Variants in MYO1B observed in about 807,000 individuals in gnomAD.
MYO1B encodes myosin IB, also known as unconventional myosin-Ib.
A neutral mutation model predicts 159.7 loss-of-function variants in MYO1B; 72 were observed. The ratio of observed to expected loss-of-function variants is 0.45; its 90% CI spans 0.37 to 0.55. MYO1B has a LOEUF of 0.55. MYO1B is among the 20% of genes least tolerant of loss of function. MYO1B has a pLI of 0.00. For synonymous variants in MYO1B, 468 were observed against 473.8 expected (o/e 0.99, Z 0.16); for missense variants, 1,062 against 1,364.8 (o/e 0.78, Z 3.50).
At chr2:191,346,992 A>T (rs6706578) in intron 6 of MYO1B, among the ~76,000 whole-genome samples, 1 of 151,954 alleles carries the variant, frequency 6.6e-6, no homozygotes, top group African/African-American at 2.4e-5. Context: ...TGCAGGAAAT[A>T]TTGAGTCTGA....
chr2:191,415,291 A>T (rs1299483647), intron 29 of MYO1B, among the ~76,000 whole-genome samples: 3 of 152,248 alleles, frequency 2.0e-5, no homozygotes, highest in African/African-American at 7.2e-5. Context: ...CATAACACAT[A>T]GTCACTGAAT....
chr2:191,332,499 G>C (rs1691554963), intron 4 of MYO1B, among the ~76,000 whole-genome samples: 1 of 152,022 alleles, frequency 6.6e-6, no homozygotes, highest in African/African-American at 2.4e-5. Context: ...TTGAGAAGCT[G>C]ACAAATCCTG....
At chr2:191,393,625 A>G (rs116219967) in intron 20 of MYO1B, among the ~76,000 whole-genome samples, 8,294 of 152,268 alleles carry the variant, frequency 0.054, 389 homozygotes, top group African/African-American at 0.12. Flanking sequence ...TTCTTTGGCT[A>G]TTCTTTATTG....
chr2:191,328,227 G>A (rs1229211744), intron 3 of MYO1B, among the ~76,000 whole-genome samples: 1 of 152,206 alleles, frequency 6.6e-6, no homozygotes, highest in South Asian at 2.1e-4. Flanking sequence ...CATCAAAGGT[G>A]TTCAGTAAAT....
At position 191,283,162 on chromosome 2, in the gene MYO1B, T is replaced by C. The variant is rs762718665; in HGVS notation, c.135+6132T>C. On this transcript the variant is annotated intron_variant, in intron 2 of 30. Coordinates refer to ENST00000392318, the MANE Select transcript of MYO1B (RefSeq NM_001130158.3). ...CAAACTTTCCTACAGCCTTTGGTGA[T>C]TGGAAAATTTCTTCCTCTTAGAATT... 5.3e-5 allele frequency among the ~76,000 whole-genome samples: 8 copies of C among 152,236 alleles called. No individual in the cohort carries two copies. The South Asian group carries it at 6.2e-4, about 12-fold the overall frequency.
rs777094694 is a variant in MYO1B, at chr2:191,393,102, A to G, written c.2106A>G (p.Gln702=). ...TLFKLEDLRK[Q]RLEDLATLIQ... ...TCAAATTAGAAGACCTGAGGAAGCA[A>G]CGCCTGGAGGACTTGGCCACTCTCA... Residue 702 remains glutamine, a synonymous_variant, in exon 20 of 31, where the codon CAA becomes CAG. Transcript: ENST00000392318. The G allele has an allele frequency of 6.2e-7, 1 of 1,613,948 alleles. No homozygotes were observed. The highest frequency in any genetic ancestry group is 1.7e-5 in the Admixed American group (1 of 59,986).
intron 13 of MYO1B, among the ~76,000 whole-genome samples, chr2:191,377,340 TG>T (rs2126060048): frequency 6.6e-6 from 1 of 152,284 alleles, no homozygotes; most frequent in East Asian, 1.9e-4. Context: ...GGGATAAATG[TG>T]GGTAAGACAG....
intron 15 of MYO1B, among the ~76,000 whole-genome samples, chr2:191,385,490 A>G (rs1174349617): frequency 1.3e-5 from 2 of 151,326 alleles, no homozygotes; most frequent in Non-Finnish European, 1.5e-5. Context: ...GATTTGAGAC[A>G]TGTTATAGAG....
chr2:191,408,302 A>G (rs1697052270), intron 25 of MYO1B, 113 bp downstream of exon 25: 24 of 671,126 alleles, frequency 3.6e-5, no homozygotes, highest in South Asian at 2.2e-4. Flanking sequence ...CTTTTTAAAT[A>G]ATAATTAAAT....
At chr2:191,275,373 G>C (rs1176901520) in intron 1 of MYO1B, among the ~76,000 whole-genome samples, 1 of 151,684 alleles carries the variant, frequency 6.6e-6, no homozygotes, top group African/African-American at 2.4e-5. Context: ...GCTTTTCATA[G>C]CCAAAAACTT....
chr2:191,266,928 G>A (rs1687178495), intron 1 of MYO1B, among the ~76,000 whole-genome samples: 1 of 152,218 alleles, frequency 6.6e-6, no homozygotes, highest in Non-Finnish European at 1.5e-5. Context: ...TTTGCAAATT[G>A]TAAGGTTCTA....
intron 30 of MYO1B, among the ~76,000 whole-genome samples, chr2:191,418,169 C>T (rs751269531): frequency 1.3e-5 from 2 of 152,186 alleles, no homozygotes; most frequent in African/African-American, 4.8e-5. Context: ...CCAGGTGGCA[C>T]AGGAAGCCTG....
chr2:191,300,867 A>G (rs910651349), intron 3 of MYO1B, among the ~76,000 whole-genome samples: 3 of 151,874 alleles, frequency 2.0e-5, no homozygotes, highest in Non-Finnish European at 4.4e-5. Context: ...TCTACAATTT[A>G]TCTTTCTTTA....
At chr2:191,308,976 G>C (rs1272019837) in intron 3 of MYO1B, among the ~76,000 whole-genome samples, 2 of 152,140 alleles carry the variant, frequency 1.3e-5, no homozygotes, top group South Asian at 2.1e-4. Flanking sequence ...TCCACTCTGG[G>C]ACCTTTGCTT....
chr2:191,408,035 TCA>T, intron 24 of MYO1B, 78 bp from the exon 25 acceptor site: 1 of 875,048 alleles, frequency 1.1e-6, no homozygotes, highest in Admixed American at 2.2e-5. Context: ...TGACATTTTT[TCA>T]TTTTTAATAG....
At chr2:191,290,186 T>C (rs1688614165) in intron 2 of MYO1B, among the ~76,000 whole-genome samples, 1 of 152,268 alleles carries the variant, frequency 6.6e-6, no homozygotes, top group South Asian at 2.1e-4. Context: ...AATATTTTTA[T>C]ACTTTGATAA....
At chr2:191,365,756 A>G (rs946209426) in intron 11 of MYO1B, among the ~76,000 whole-genome samples, 1 of 152,200 alleles carries the variant, frequency 6.6e-6, no homozygotes, top group Non-Finnish European at 1.5e-5. Flanking sequence ...GAAAACATTG[A>G]GAAAAGCCAG....
intron 21 of MYO1B, among the ~76,000 whole-genome samples, chr2:191,397,538 G>A (rs1454283469): frequency 6.6e-6 from 1 of 151,814 alleles, no homozygotes; most frequent in African/African-American, 2.4e-5. Flanking sequence ...GGATCCCAAG[G>A]CAGAAGAATT....
chr2:191,358,909 AT>A (rs1553551432), intron 7 of MYO1B, among the ~76,000 whole-genome samples: 1 of 152,226 alleles, frequency 6.6e-6, no homozygotes, highest in Non-Finnish European at 1.5e-5. Context: ...TTCTTCCCAA[AT>A]CGCTGGCACA....
Sources: gnomAD v4.1 joint callset for allele counts (sites outside exome capture counted in the v4.1 genomes callset) on GRCh38, gnomAD v4.1.1 for gene constraint, MANE v1.5 for transcripts, NCBI Gene and HGNC (gene_info 2026-07-23, HGNC 2026-07-21) for gene names.